CHD3: variants seen among roughly 807,000 people sequenced by gnomAD.
CHD3 encodes ATP-dependent chromatin remodeler CHD3.
CHD3 carries 52 observed loss-of-function variants against 248.9 expected under a neutral mutation model. The observed-to-expected ratio is 0.21, with a 90% confidence interval of 0.17 to 0.26. The LOEUF (loss-of-function observed/expected upper bound fraction) is 0.26, where lower values mean the gene tolerates loss of function less well. CHD3 is among the 10% of genes least tolerant of loss of function. CHD3 has a pLI of 1.00. For synonymous variants in CHD3, 985 were observed against 985.2 expected (o/e 1.00, Z 0.00); for missense variants, 1,482 against 2,605.8 (o/e 0.57, Z 9.39).
upstream of CHD3, chr17:7,884,935 TGAGGAGGACGAC>T: frequency 7.4e-7 from 1 of 1,348,602 alleles, no homozygotes; most frequent in Non-Finnish European, 9.7e-7. Context: ...ACGAGGACGA[TGAGGAGGACGAC>T]GACGAGGGAG....
chr17:7,903,648 T>C lies in CHD3; in HGVS notation c.3727+145T>C. The C allele has an allele frequency of 9.9e-7, 1 of 1,009,466 alleles. No homozygotes were observed. The highest frequency in any genetic ancestry group is 2.7e-5 in the Admixed American group (1 of 36,522). The allele number at this position is 1,009,466 out of a possible 1,614,324, so 62.5% of individuals were successfully genotyped here. A position where few individuals can be genotyped will look rare whatever the true frequency, so the allele number is the denominator to read the frequency against. Reference sequence around the variant, plus strand: ...CTTTTAGTAGCCCTTGGAGGAAGGTTGGCCTCTTTCTTTGCCTGTAGGGTT... The same window carrying C: ...CTTTTAGTAGCCCTTGGAGGAAGGTCGGCCTCTTTCTTTGCCTGTAGGGTT... On this transcript the variant is annotated intron_variant, in intron 23 of 39. Transcript: ENST00000330494. This position sits in a 1 kb window ranked among gnomAD's most constrained non-coding sequence, Gnocchi z 6.8.
rs752389228 is a variant in CHD3 at position 7,910,582 on chromosome 17, C to T, written c.5745C>T (p.His1915=). 4.8e-5 allele frequency: 78 copies of T among 1,609,650 alleles called. 1 individual carries two copies. In the South Asian group the frequency reaches 7.8e-4, roughly 16 times the overall value. Reference sequence around the variant, plus strand: ...TGGCCAGCAAGGGCACGGAGCCTCACCCCACACCGGTAACCCTCTTTCCCC... The same window carrying T: ...TGGCCAGCAAGGGCACGGAGCCTCATCCCACACCGGTAACCCTCTTTCCCC... ...SRLASKGTEP[H]PTPAYPPGPY... is the part of the protein sequence containing the mutation. Residue 1915 remains histidine, a synonymous_variant, in exon 38 of 40, where the codon CAC becomes CAT. Transcript: ENST00000330494. The surrounding 1 kb of genome is among the most constrained non-coding windows in gnomAD (Gnocchi z 4.7).
At position 7,909,104 on chromosome 17, in the gene CHD3, G is replaced by A. The variant is rs1328334367; in HGVS notation, c.5395-39G>A. 1 of 1,549,708 alleles carries A rather than the reference G, an allele frequency of 6.5e-7. No homozygotes were observed. Among genetic ancestry groups the A allele is most frequent in the East Asian group, 2.4e-5 (1 of 41,018 alleles). On this transcript the variant is annotated intron_variant, in intron 36 of 39. Transcript: ENST00000330494. The surrounding 1 kb of genome is among the most constrained non-coding windows in gnomAD (Gnocchi z 8.1). ...CCCCCCAGCCCCTCACCCACTGCTGGCAGAGCCCTACCTTCACCTCCCAAC... is the reference window on the plus strand; with the variant it reads ...CCCCCCAGCCCCTCACCCACTGCTGACAGAGCCCTACCTTCACCTCCCAAC...
rs1449535214 is a variant in CHD3, at chr17:7,910,106, C to G, written c.5591-322C>G. The stretch of plus-strand genomic sequence containing the variant: ...TCCAGTATGAGATGTTCTGACAACT[C>G]CCCGCCCCCATGTCTTCCAATGTCC... On this transcript the variant is annotated intron_variant, in intron 37 of 39. Transcript: ENST00000330494. The surrounding 1 kb of genome is among the most constrained non-coding windows in gnomAD (Gnocchi z 4.7). 2.5e-6 allele frequency: 1 copy of G among 407,404 alleles called. No individual in the cohort carries two copies. Among genetic ancestry groups the G allele is most frequent in the African/African-American group, 2.1e-5 (1 of 48,412 alleles). 25.2% of individuals were successfully genotyped at this position (407,404 alleles called of 1,614,324 possible).
Position 7,909,402 on chromosome 17 carries a change from A to G in CHD3, c.5590+64A>G. 1 of 1,457,818 alleles carries G rather than the reference A, an allele frequency of 6.9e-7. No homozygotes were observed. The highest frequency in any genetic ancestry group is 2.5e-5 in the East Asian group (1 of 39,308). 90.3% of individuals were successfully genotyped at this position (1,457,818 alleles called of 1,614,324 possible). On this transcript the variant is annotated intron_variant, in intron 37 of 39. Transcript: ENST00000330494. This position sits in a 1 kb window ranked among gnomAD's most constrained non-coding sequence, Gnocchi z 8.1. ...AACGCTGCGTAAGTCTTCACCCCGC[A>G]CCCCTCAAAATCTTCCCACCCCCTG...
intron 5 of CHD3, 22 bp from the exon 6 acceptor site, chr17:7,893,783 C>T: frequency 6.2e-7 from 1 of 1,608,402 alleles, no homozygotes; most frequent in South Asian, 1.1e-5. Context: ...TTTTCCTCTT[C>T]TCACCCCGAC....
rs1443276023 is a variant in CHD3 at position 7,909,152 on chromosome 17, C to A, written c.5404C>A (p.Gln1802Lys). The A allele has an allele frequency of 1.3e-6, 2 of 1,556,072 alleles. No homozygotes were observed. Among genetic ancestry groups the A allele is most frequent in the Non-Finnish European group, 1.7e-6 (2 of 1,150,542 alleles). ...FLARRFKLLEQALVIEEQLRR... is the reference protein window; with the variant it reads ...FLARRFKLLEKALVIEEQLRR... ...AACTCTGTGCCCTCAGCTCCTGGAG[C>A]AGGCGCTGGTGATTGAGGAGCAGCT... The change falls in exon 37 of 40, where the codon CAG becomes AAG. Residue 1802 changes from glutamine (Q) to lysine (K), a missense_variant. Physicochemically the swap from Gln to Lys is moderately conservative, Grantham distance 53. Around this residue, in one of 20 missense-constraint regions of CHD3, gnomAD observed 83 missense variants for 181.0 expected, o/e 0.46. Transcript: ENST00000330494. The surrounding 1 kb of genome is among the most constrained non-coding windows in gnomAD (Gnocchi z 8.1).
upstream of CHD3, chr17:7,885,344 C>CCGCCGCCGCCGCCGCCGCCGCCGA (rs1967714798): frequency 2.2e-5 from 4 of 180,378 alleles, no homozygotes; most frequent in South Asian, 6.4e-4. Context: ...GCCGCCGCCG[C>CCGCCGCCGCCGCCGCCGCCGCCGA]CACCCCGGCT....
At position 7,890,951 on chromosome 17, in the gene CHD3, G is replaced by C; in HGVS notation, c.396G>C (p.Gln132His). The C allele has an allele frequency of 6.2e-7, 1 of 1,614,094 alleles. No homozygotes were observed. Among genetic ancestry groups the C allele is most frequent in the Non-Finnish European group, 8.5e-7 (1 of 1,180,028 alleles). Residue 132 changes from glutamine (Q) to histidine (H), a missense_variant, in exon 4 of 40, where the codon CAG (glutamine) becomes CAC (histidine). Gln to His is a conservative substitution (Grantham distance 24). This residue lies in a region of CHD3 where 169 missense variants were observed against 168.1 expected (regional missense o/e 1.01). Transcript: ENST00000330494. ...CCCCTCTCCCGCAGCAAGTGGAACA[G>C]AAGTCATCAGCAACTCTGCTTCTGA... is the stretch of plus-strand genomic sequence containing the variant. ...EGDGGQKQVEQKSSATLLLTW... is the reference protein window; with the variant it reads ...EGDGGQKQVEHKSSATLLLTW...
rs78632606 is a variant in CHD3, at chr17:7,893,935, G to A, written c.924G>A (p.Ser308=). The change falls in exon 6 of 40, where the codon TCG becomes TCA. Residue 308 remains serine, a splice_region_variant and synonymous_variant. Coordinates refer to ENST00000330494, the MANE Select transcript of CHD3 (RefSeq NM_001005273.3). ...LLGGKRKKGG[S]YVFQSDEGPE... ...GTGGCAAGAGGAAGAAAGGAGGCTC[G>A]GTGAGTGACCCGTCCCTGTCTACTA... The A allele has an allele frequency of 9.2e-6, 14 of 1,513,726 alleles. No homozygotes were observed. Among genetic ancestry groups the A allele is most frequent in the African/African-American group, 7.1e-5 (5 of 70,726 alleles). 93.8% of individuals were successfully genotyped at this position (1,513,726 alleles called of 1,614,324 possible).
upstream of CHD3, among the ~76,000 whole-genome samples, chr17:7,886,838 T>C (rs1968033944): frequency 6.6e-6 from 1 of 151,952 alleles, no homozygotes; most frequent in Non-Finnish European, 1.5e-5. This position sits in a 1 kb window ranked among gnomAD's most constrained non-coding sequence, Gnocchi z 4.2. Context: ...GGGTCCCGGA[T>C]CTGGGTACGT....
At chr17:7,884,868 A>T, upstream of CHD3, 1 of 1,260,334 alleles carries the variant, frequency 7.9e-7, no homozygotes, top group Non-Finnish European at 1.1e-6. Context: ...TCGGAGGAGG[A>T]AGAAGAGGAG....
In CHD3 at chr17:7,899,465, C is replaced by T; in HGVS notation, c.2466C>T (p.Ser822=). ...YVVTYTGDKD[S]RAIIRENEFS... is the part of the protein sequence containing the mutation. ...TGACATACACGGGTGACAAGGACAG[C>T]CGGGCCATCATTCGTGAGAATGAAT... The change falls in exon 15 of 40, where the codon AGC becomes AGT. Residue 822 remains serine, a synonymous_variant. Coordinates refer to ENST00000330494, the MANE Select transcript of CHD3 (RefSeq NM_001005273.3). This position sits in a 1 kb window ranked among gnomAD's most constrained non-coding sequence, Gnocchi z 6.8. 6.2e-7 allele frequency: 1 copy of T among 1,614,118 alleles called. No homozygotes were observed. The highest frequency in any genetic ancestry group is 8.5e-7 in the Non-Finnish European group (1 of 1,180,020).
At chr17:7,885,306 C>CG (rs1486178899), upstream of CHD3, 275 of 188,730 alleles carry the variant, frequency 1.5e-3, 2 homozygotes, top group East Asian at 7.3e-3. Flanking sequence ...CGCACCCCTC[C>CG]CCCGCCGCCG....
rs1971544163 is a variant in CHD3, at chr17:7,910,699, AAC to A, written c.5754+112_5754+113del. On this transcript the variant is annotated intron_variant, in intron 38 of 39. Coordinates refer to ENST00000330494, the MANE Select transcript of CHD3 (RefSeq NM_001005273.3). This position sits in a 1 kb window ranked among gnomAD's most constrained non-coding sequence, Gnocchi z 4.7. ...ACAATATGGAAAAACAACTTGCTAG[AAC>A]ACAGTCATCACCCTTGAGTGAGTCT... The A allele has an allele frequency of 3.3e-6, 5 of 1,513,748 alleles. No homozygotes were observed. The highest frequency in any genetic ancestry group is 2.5e-5 in the South Asian group (2 of 78,914). 93.8% of individuals were successfully genotyped at this position (1,513,748 alleles called of 1,614,324 possible).
rs1465842909 is a variant in CHD3, at chr17:7,905,628, ACAGT to A, written c.4149_4152del (p.Ser1384ArgfsTer40). ...TGTCATCCCCACCCTCAGGGCGTAG[ACAGT>A]CAAAGAGGCAGCTCCGGAATGAGAA... On this transcript the variant is annotated frameshift_variant, in exon 27 of 40. Coordinates refer to ENST00000330494, the MANE Select transcript of CHD3 (RefSeq NM_001005273.3). LOFTEE classifies it high-confidence loss of function. The surrounding 1 kb of genome is among the most constrained non-coding windows in gnomAD (Gnocchi z 5.8). The A allele has an allele frequency of 6.2e-7, 1 of 1,601,882 alleles. No individual in the cohort carries two copies. The highest frequency in any genetic ancestry group is 8.5e-7 in the Non-Finnish European group (1 of 1,173,286).
At chr17:7,894,708 T>A in intron 8 of CHD3, 100 bp downstream of exon 8, 1 of 1,372,722 alleles carries the variant, frequency 7.3e-7, no homozygotes, top group Non-Finnish European at 1.0e-6. Flanking sequence ...ATGGCTGGAC[T>A]TCTTAGTAAC....
chr17:7,897,149 C>T lies in CHD3; in HGVS notation c.1774C>T (p.Pro592Ser), dbSNP rs1405845352. ...GAAGAATGACATGGATGAGCCCCCA[C>T]CCCTGGACTATGGCTCCGGCGAGGA... ...QRKNDMDEPPPLDYGSGEDDG... is the reference protein window; with the variant it reads ...QRKNDMDEPPSLDYGSGEDDG... Residue 592 changes from proline to serine, a missense_variant, in exon 11 of 40, where the codon CCC becomes TCC. Physicochemically the swap from Pro to Ser is moderately conservative, Grantham distance 74. Coordinates refer to ENST00000330494, the MANE Select transcript of CHD3 (RefSeq NM_001005273.3). The surrounding 1 kb of genome is among the most constrained non-coding windows in gnomAD (Gnocchi z 4.8). 3 of 1,614,022 alleles carry T rather than the reference C, an allele frequency of 1.9e-6. No homozygotes were observed. Among genetic ancestry groups the T allele is most frequent in the Admixed American group, 1.7e-5 (1 of 60,000 alleles).
At position 7,900,924 on chromosome 17, in the gene CHD3, G is replaced by A. The variant is rs61753145; in HGVS notation, c.3051G>A (p.Ser1017=). ...LNSRGGGNQV[S]LLNIMMDLKK... is the part of the protein sequence containing the mutation. Reference sequence around the variant, plus strand: ...CACGAGGTGGTGGGAACCAGGTGTCGCTGCTTAATATCATGATGGATCTTA... The same window carrying A: ...CACGAGGTGGTGGGAACCAGGTGTCACTGCTTAATATCATGATGGATCTTA... Residue 1017 remains serine, a synonymous_variant, in exon 19 of 40, where the codon TCG becomes TCA. Transcript: ENST00000330494. The surrounding 1 kb of genome is among the most constrained non-coding windows in gnomAD (Gnocchi z 6.5). 63 of 1,613,934 alleles carry A rather than the reference G, an allele frequency of 3.9e-5. No individual in the cohort carries two copies. Among genetic ancestry groups the A allele is most frequent in the Non-Finnish European group, 4.7e-5 (55 of 1,179,968 alleles).
Sources: allele counts gnomAD v4.1 joint callset (sites outside exome capture counted in the v4.1 genomes callset), GRCh38; gene constraint gnomAD v4.1.1; regional missense constraint gnomAD v4.1.1; non-coding constraint Gnocchi (gnomAD v3.1); transcripts MANE v1.5; gene names NCBI Gene and HGNC (gene_info 2026-07-23, HGNC 2026-07-21).